Variants in PTPRT observed in about 807,000 individuals in gnomAD.
PTPRT encodes receptor-type tyrosine-protein phosphatase T.
PTPRT carries 56 observed loss-of-function variants against 176.8 expected under a neutral mutation model. The ratio of observed to expected loss-of-function variants is 0.32; its 90% CI spans 0.26 to 0.40. The LOEUF is 0.40. Among genes scored for constraint, PTPRT ranks in the 10% least tolerant of loss-of-function variants. The probability of loss-of-function intolerance (pLI) is 1.00; values close to 1 mark genes in which losing one functional copy is unlikely to be tolerated. For synonymous variants in PTPRT, 783 were observed against 739.0 expected, an observed-to-expected ratio of 1.06 and a Z score of -0.96; for missense variants, 1,540 against 1,908.2, an observed-to-expected ratio of 0.81 and a Z score of 3.60.
intron 9 of PTPRT, among the ~76,000 whole-genome samples, chr20:42,390,093 G>C (rs2058786647): frequency 6.6e-6 from 1 of 152,134 alleles, no homozygotes; most frequent in Non-Finnish European, 1.5e-5. Context: ...GACTCTAGGA[G>C]GGTGAGGAAC....
rs202095737 is a variant in PTPRT at position 42,620,020 on chromosome 20, C to A, written c.1153+57846G>T. Among the ~76,000 whole-genome samples, 57 of 150,208 alleles carry A rather than the reference C, an allele frequency of 3.8e-4. 1 individual carries two copies. The East Asian group carries it at 0.01, about 27-fold the overall frequency. On this transcript the variant is annotated intron_variant, in intron 7 of 30. Transcript: ENST00000373187. Reference sequence around the variant, plus strand: ...CCTTTGGAGGAGGAGAGGCGCTCTGCGTTTTAGAATTTCCAGTTTTTCTGT... The same window carrying A: ...CCTTTGGAGGAGGAGAGGCGCTCTGAGTTTTAGAATTTCCAGTTTTTCTGT...
chr20:43,154,237 T>C (rs1052684660), intron 1 of PTPRT, among the ~76,000 whole-genome samples: 1 of 152,258 alleles, frequency 6.6e-6, no homozygotes, highest in Non-Finnish European at 1.5e-5. Context: ...CTTCTGCATA[T>C]GGATATCCAC....
intron 1 of PTPRT, among the ~76,000 whole-genome samples, chr20:43,126,004 T>A (rs2013422731): frequency 6.6e-6 from 1 of 152,186 alleles, no homozygotes; most frequent in South Asian, 2.1e-4. Context: ...CAAAAATGGA[T>A]TTAAACAACT....
chr20:42,336,798 A>G lies in PTPRT; in HGVS notation c.1865+13830T>C, dbSNP rs936922678. Among the ~76,000 whole-genome samples the G allele has an allele frequency of 3.3e-5, 5 of 152,358 alleles. No individual in the cohort carries two copies. In the Middle Eastern group the frequency reaches 0.014, roughly 415 times the overall value. On this transcript the variant is annotated intron_variant, in intron 11 of 30. Coordinates refer to ENST00000373187, the MANE Select transcript of PTPRT (RefSeq NM_007050.6). ...TGACAAAATTTCATAAACCAAGAAC[A>G]TGAGTTTATTGTTTCAGATGGCTGT...
intron 9 of PTPRT, among the ~76,000 whole-genome samples, chr20:42,365,187 G>A (rs560185665): frequency 5.3e-5 from 8 of 152,138 alleles, no homozygotes; most frequent in South Asian, 4.1e-4. Flanking sequence ...CTAAGTGTTC[G>A]AAACCTGTTG....
chr20:42,662,977 T>A (rs2146008247), intron 7 of PTPRT, among the ~76,000 whole-genome samples: 1 of 152,162 alleles, frequency 6.6e-6, no homozygotes, highest in South Asian at 2.1e-4. Flanking sequence ...TGTGTGTGTG[T>A]GTGTGTGTGT....
At chr20:42,303,732 C>A (rs1231530175) in intron 12 of PTPRT, among the ~76,000 whole-genome samples, 2 of 152,024 alleles carry the variant, frequency 1.3e-5, no homozygotes, top group Non-Finnish European at 2.9e-5. Flanking sequence ...TTGAGGTTGT[C>A]CAGGCAGAAG....
chr20:42,855,708 A>G (rs2078551923), intron 2 of PTPRT, among the ~76,000 whole-genome samples: 1 of 152,228 alleles, frequency 6.6e-6, no homozygotes, highest in Middle Eastern at 3.4e-3. Flanking sequence ...CTGGTATTAC[A>G]GGCATGAGCC....
At chr20:42,900,762 G>C (rs1174633333) in intron 1 of PTPRT, among the ~76,000 whole-genome samples, 6 of 152,128 alleles carry the variant, frequency 3.9e-5, no homozygotes, top group African/African-American at 1.4e-4. Context: ...CATGTCCGGG[G>C]TCCAGGGTCT....
In PTPRT at chr20:42,240,834, C is replaced by T. The variant is rs373366203; in HGVS notation, c.2313-4576G>A. Among the ~76,000 whole-genome samples, 25 of 152,224 alleles carry T rather than the reference C, an allele frequency of 1.6e-4. 1 individual carries two copies. The highest frequency in any genetic ancestry group is 6.0e-4 in the African/African-American group (25 of 41,456). On this transcript the variant is annotated intron_variant, in intron 14 of 30. Coordinates refer to ENST00000373187, the MANE Select transcript of PTPRT (RefSeq NM_007050.6). ...TCTCTGTCAAGTACAGATAGAAAGACATATGAGATCCTAATCTAGTCCATA... is the reference window on the plus strand; with the variant it reads ...TCTCTGTCAAGTACAGATAGAAAGATATATGAGATCCTAATCTAGTCCATA...
chr20:42,505,842 G>T (rs2145433420), intron 7 of PTPRT, among the ~76,000 whole-genome samples: 1 of 152,264 alleles, frequency 6.6e-6, no homozygotes, highest in African/African-American at 2.4e-5. Context: ...AAAGAAGCAA[G>T]ACTATATTTG....
chr20:42,141,910 C>T lies in PTPRT; in HGVS notation c.2770+5G>A. On this transcript the variant is annotated splice_donor_5th_base_variant and intron_variant, in intron 18 of 30. Coordinates refer to ENST00000373187, the MANE Select transcript of PTPRT (RefSeq NM_007050.6). ...AAGCTTAGGAGCTCCCAGAAGGGCA[C>T]CTACAGGATATGATGTTCCCATATC... 6.2e-7 allele frequency: 1 copy of T among 1,613,162 alleles called. No individual in the cohort carries two copies. Among genetic ancestry groups the T allele is most frequent in the Non-Finnish European group, 8.5e-7 (1 of 1,179,098 alleles).
chr20:42,470,222 G>C (rs1171903000), intron 8 of PTPRT, among the ~76,000 whole-genome samples: 1 of 152,118 alleles, frequency 6.6e-6, no homozygotes, highest in African/African-American at 2.4e-5. Flanking sequence ...CACATGCAGA[G>C]AGACAAAAGT....
chr20:43,059,624 G>T (rs1208241149), intron 1 of PTPRT, among the ~76,000 whole-genome samples: 1 of 152,132 alleles, frequency 6.6e-6, no homozygotes, highest in African/African-American at 2.4e-5. Context: ...TCTCTCAGGA[G>T]GTGGAGGCTT....
chr20:42,658,538 A>G (rs1164125363), intron 7 of PTPRT, among the ~76,000 whole-genome samples: 1 of 152,238 alleles, frequency 6.6e-6, no homozygotes, highest in African/African-American at 2.4e-5. Context: ...AAGAAGGCAG[A>G]GTGCTACCTC....
chr20:42,301,643 C>T (rs568604663), intron 12 of PTPRT, among the ~76,000 whole-genome samples: 1 of 151,806 alleles, frequency 6.6e-6, no homozygotes, highest in Non-Finnish European at 1.5e-5. Context: ...GATAGACAAA[C>T]AGACAAATAG....
chr20:42,135,170 G>A (rs748386635), intron 18 of PTPRT, among the ~76,000 whole-genome samples: 11 of 152,160 alleles, frequency 7.2e-5, no homozygotes, highest in Non-Finnish European at 1.2e-4. Flanking sequence ...CAGACCTGAG[G>A]CTTGTCACAC....
intron 2 of PTPRT, among the ~76,000 whole-genome samples, chr20:42,882,065 A>T (rs2145855225): frequency 6.6e-6 from 1 of 152,320 alleles, no homozygotes; most frequent in Non-Finnish European, 1.5e-5. Context: ...CAAGTATAGC[A>T]GGGAGCTCGT....
intron 6 of PTPRT, among the ~76,000 whole-genome samples, chr20:42,720,946 CTG>C (rs1156266523): frequency 6.6e-6 from 1 of 152,214 alleles, no homozygotes; most frequent in African/African-American, 2.4e-5. Flanking sequence ...TGCCTGCACA[CTG>C]TCCCAGATGC....
Sources: gnomAD v4.1 joint callset for allele counts (sites outside exome capture counted in the v4.1 genomes callset) on GRCh38, gnomAD v4.1.1 for gene constraint, MANE v1.5 for transcripts, NCBI Gene and HGNC (gene_info 2026-07-23, HGNC 2026-07-21) for gene names.